LRRTM4: variants seen among roughly 807,000 people sequenced by gnomAD.
LRRTM4 encodes leucine-rich repeat transmembrane neuronal protein 4.
A neutral mutation model predicts 47.6 loss-of-function variants in LRRTM4; 25 were observed. The ratio of observed to expected loss-of-function variants is 0.53; its 90% CI spans 0.38 to 0.73. The LOEUF is 0.73. Ranked by LOEUF, LRRTM4 falls within the 30% of genes least tolerant of loss-of-function variation. LRRTM4 has a pLI of 0.00. For synonymous variants in LRRTM4, 311 were observed against 269.5 expected (o/e 1.15, Z -1.51); for missense variants, 638 against 713.4 (o/e 0.89, Z 1.20).
intron 3 of LRRTM4, among the ~76,000 whole-genome samples, chr2:77,414,540 C>T (rs1167525056): frequency 6.6e-6 from 1 of 152,062 alleles, no homozygotes; most frequent in Non-Finnish European, 1.5e-5. Context: ...AATTATTTGC[C>T]AACCACAGAC....
chr2:76,794,934 A>G (rs1675188659), intron 3 of LRRTM4, among the ~76,000 whole-genome samples: 1 of 151,902 alleles, frequency 6.6e-6, no homozygotes, highest in African/African-American at 2.4e-5. Flanking sequence ...TTTAAACAAT[A>G]GTGTGTAGAC....
chr2:77,406,265 G>A (rs1242271766), intron 3 of LRRTM4, among the ~76,000 whole-genome samples: 1 of 152,040 alleles, frequency 6.6e-6, no homozygotes, highest in Non-Finnish European at 1.5e-5. Context: ...AACTATGAAA[G>A]TAACCAACCA....
At chr2:76,901,303 T>C (rs1224241040) in intron 3 of LRRTM4, among the ~76,000 whole-genome samples, 3 of 152,256 alleles carry the variant, frequency 2.0e-5, no homozygotes, top group Non-Finnish European at 4.4e-5. Flanking sequence ...CATGCAGTGT[T>C]TGGTTTTCTG....
At chr2:77,081,491 G>A (rs1475981016) in intron 3 of LRRTM4, among the ~76,000 whole-genome samples, 1 of 151,960 alleles carries the variant, frequency 6.6e-6, no homozygotes, top group Admixed American at 6.6e-5. Context: ...TTAAATAAAT[G>A]TGTAAGAAAT....
At chr2:77,184,527 C>A (rs1673445209) in intron 3 of LRRTM4, among the ~76,000 whole-genome samples, 1 of 152,072 alleles carries the variant, frequency 6.6e-6, no homozygotes, top group African/African-American at 2.4e-5. Context: ...TTGTTCCTGC[C>A]CTGCTCTGCA....
intron 3 of LRRTM4, among the ~76,000 whole-genome samples, chr2:76,788,047 T>C (rs1674774728): frequency 6.6e-6 from 1 of 152,186 alleles, no homozygotes; most frequent in East Asian, 1.9e-4. Flanking sequence ...TAGGAAAAGA[T>C]GAATGAATGT....
At chr2:77,208,873 A>G (rs576420072) in intron 3 of LRRTM4, among the ~76,000 whole-genome samples, 2 of 152,344 alleles carry the variant, frequency 1.3e-5, no homozygotes, top group East Asian at 3.9e-4. Flanking sequence ...GAATTAACCC[A>G]GTTGGCTATT....
At chr2:77,107,753 G>A (rs557501645) in intron 3 of LRRTM4, among the ~76,000 whole-genome samples, 1 of 141,402 alleles carries the variant, frequency 7.1e-6, no homozygotes, top group Non-Finnish European at 1.5e-5. Flanking sequence ...GGGAGGCAGA[G>A]TTTGCAGTGA....
At chr2:77,300,604 A>G (rs1276689875) in intron 3 of LRRTM4, among the ~76,000 whole-genome samples, 2 of 152,212 alleles carry the variant, frequency 1.3e-5, no homozygotes, top group African/African-American at 4.8e-5. Context: ...CACCCTCAAC[A>G]AACAGCTACA....
At chr2:76,953,642 C>T (rs1216384262) in intron 3 of LRRTM4, among the ~76,000 whole-genome samples, 2 of 151,772 alleles carry the variant, frequency 1.3e-5, no homozygotes, top group Non-Finnish European at 1.5e-5. Context: ...GAGAGTTCAG[C>T]AGCTTATTGA....
At chr2:76,974,531 T>G (rs955642172) in intron 3 of LRRTM4, among the ~76,000 whole-genome samples, 19 of 139,350 alleles carry the variant, frequency 1.4e-4, no homozygotes, top group Non-Finnish European at 2.0e-4. Context: ...TACACACATA[T>G]AGTGTATATG....
chr2:77,159,689 T>G (rs1672657617), intron 3 of LRRTM4, among the ~76,000 whole-genome samples: 1 of 151,716 alleles, frequency 6.6e-6, no homozygotes, highest in Non-Finnish European at 1.5e-5. Context: ...AGTCTCAGGG[T>G]GGGCAGAGGG....
Position 77,345,921 on chromosome 2 carries a change from C to A in LRRTM4, c.1551+172397G>T, listed in dbSNP as rs549316400. Among the ~76,000 whole-genome samples, 19 of 151,568 alleles carry A rather than the reference C, an allele frequency of 1.3e-4. No homozygotes were observed. The East Asian group carries it at 3.5e-3, about 28-fold the overall frequency. On this transcript the variant is annotated intron_variant, in intron 3 of 3. Transcript: ENST00000409884. ...GAAAACTTGTACATGATGTTTATAGCAGTTATATTTAAAATCATAAACATT... is the reference window on the plus strand; with the variant it reads ...GAAAACTTGTACATGATGTTTATAGAAGTTATATTTAAAATCATAAACATT...
chr2:76,876,746 A>C (rs982325444), intron 3 of LRRTM4, among the ~76,000 whole-genome samples: 1 of 151,984 alleles, frequency 6.6e-6, no homozygotes, highest in Non-Finnish European at 1.5e-5. Flanking sequence ...AACAGCTTAT[A>C]TGTACCACTA....
chr2:77,324,025 G>T (rs1670656443), intron 3 of LRRTM4, among the ~76,000 whole-genome samples: 1 of 152,014 alleles, frequency 6.6e-6, no homozygotes, highest in Non-Finnish European at 1.5e-5. Context: ...TTCATTTTCA[G>T]ATTAGGTTTT....
chr2:76,862,425 G>C (rs562219086), intron 3 of LRRTM4, among the ~76,000 whole-genome samples: 1 of 152,262 alleles, frequency 6.6e-6, no homozygotes, highest in African/African-American at 2.4e-5. Context: ...TTTACTCAGA[G>C]AGGTGCATGG....
At chr2:77,505,849 T>A (rs1678748286) in intron 3 of LRRTM4, among the ~76,000 whole-genome samples, 1 of 151,586 alleles carries the variant, frequency 6.6e-6, no homozygotes, top group Non-Finnish European at 1.5e-5. Context: ...CAATATTTTT[T>A]ATAATATTTC....
chr2:77,101,143 T>C (rs896087388), intron 3 of LRRTM4, among the ~76,000 whole-genome samples: 7 of 152,086 alleles, frequency 4.6e-5, no homozygotes, highest in Non-Finnish European at 1.5e-5. Flanking sequence ...TTACCATCTA[T>C]AGACTATATA....
At chr2:77,239,593 A>T (rs898507147) in intron 3 of LRRTM4, among the ~76,000 whole-genome samples, 1 of 151,924 alleles carries the variant, frequency 6.6e-6, no homozygotes, top group African/African-American at 2.4e-5. Context: ...AAATAAGAAA[A>T]GTATACCTCA....
Sources: allele counts gnomAD v4.1 joint callset (sites outside exome capture counted in the v4.1 genomes callset), GRCh38; gene constraint gnomAD v4.1.1; transcripts MANE v1.5; gene names NCBI Gene and HGNC (gene_info 2026-07-23, HGNC 2026-07-21).